The following ZNF451 variants were observed in gnomAD, a reference collection of about 807,000 sequenced individuals.
ZNF451 encodes E3 SUMO-protein ligase ZNF451.
Under a neutral mutation model 107.1 loss-of-function variants are expected in ZNF451, and 80 were observed. That is an observed-to-expected ratio of 0.75 (90% CI 0.62 to 0.90). The LOEUF (loss-of-function observed/expected upper bound fraction) is 0.90, where lower values mean the gene tolerates loss of function less well. Among genes scored for constraint, ZNF451 ranks in the 40% least tolerant of loss-of-function variants. The probability of loss-of-function intolerance (pLI) is 0.00; values close to 1 mark genes in which losing one functional copy is unlikely to be tolerated. For missense variants in ZNF451, 1,107 were observed against 1,236.2 expected, an observed-to-expected ratio of 0.90 and a Z score of 1.57; for synonymous variants, 362 against 406.5, an observed-to-expected ratio of 0.89 and a Z score of 1.32.
chr6:57,162,253 G>A lies in ZNF451; in HGVS notation c.3139+1101G>A, dbSNP rs1471917525. 2.6e-5 allele frequency among the ~76,000 whole-genome samples: 4 copies of A among 152,242 alleles called. No homozygotes were observed. The East Asian group carries it at 7.7e-4, about 29-fold the overall frequency. On this transcript the variant is annotated intron_variant, in intron 14 of 14. Coordinates refer to ENST00000370706, the MANE Select transcript of ZNF451 (RefSeq NM_001031623.3). The stretch of plus-strand genomic sequence containing the variant: ...TGACTAAACACACACAAACAGAATG[G>A]CCCAACTGGTATGTTTTCTTTGCAT...
chr6:57,109,570 A>G (rs1830021408), intron 3 of ZNF451: 4 of 985,122 alleles, frequency 4.1e-6, no homozygotes, highest in Non-Finnish European at 4.8e-6. Flanking sequence ...GGTATTGGCT[A>G]TAGATACATA....
chr6:57,149,063 C>T (rs1593160071), intron 10 of ZNF451, among the ~76,000 whole-genome samples: 1 of 152,208 alleles, frequency 6.6e-6, no homozygotes, highest in South Asian at 2.1e-4. Flanking sequence ...AAAGATAAAT[C>T]ACGTGAATTC....
At chr6:57,134,677 G>A (rs1356049116) in intron 6 of ZNF451, 67 bp from the exon 7 acceptor site, 25 of 1,456,930 alleles carry the variant, frequency 1.7e-5, no homozygotes, top group Non-Finnish European at 2.3e-5. Flanking sequence ...CACAAATGAA[G>A]CGACATAGTT....
chr6:57,109,023 T>C, intron 3 of ZNF451: 1 of 985,428 alleles, frequency 1.0e-6, no homozygotes. Flanking sequence ...TACACAAATC[T>C]TTTCATTTTC....
chr6:57,159,424 G>A (rs1763569771), intron 13 of ZNF451: 1 of 984,404 alleles, frequency 1.0e-6, no homozygotes, highest in Non-Finnish European at 1.2e-6. Flanking sequence ...AATGTTTAGA[G>A]CAAGCTTGTC....
At chr6:57,168,343 C>T in intron 14 of ZNF451, 80 bp from the exon 15 acceptor site, 1 of 967,880 alleles carries the variant, frequency 1.0e-6, no homozygotes, top group South Asian at 1.5e-5. Flanking sequence ...GAAAAGAATA[C>T]AGTCGATGAA....
chr6:57,098,314 T>C (rs1829424147), intron 2 of ZNF451, among the ~76,000 whole-genome samples: 1 of 151,782 alleles, frequency 6.6e-6, no homozygotes, highest in Non-Finnish European at 1.5e-5. Flanking sequence ...ATTACAGACA[T>C]GAGCCACCAC....
intron 3 of ZNF451, chr6:57,109,033 C>T: frequency 1.0e-6 from 1 of 985,378 alleles, no homozygotes; most frequent in Non-Finnish European, 1.2e-6. Flanking sequence ...TTTTCATTTT[C>T]TGAACTTCCT....
At chr6:57,121,287 T>C (rs1671475021) in intron 3 of ZNF451, among the ~76,000 whole-genome samples, 1 of 152,216 alleles carries the variant, frequency 6.6e-6, no homozygotes, top group South Asian at 2.1e-4. Flanking sequence ...ACTGTAGTTT[T>C]ATAGTAAGTT....
rs887451596 is a variant in ZNF451 at position 57,153,732 on chromosome 6, T to C, written c.2884-129T>C. ...CCAGCTGAAGGAGATCTTTATGTCA[T>C]ACTTTGGTAGGGACTAGGGAACAAG... On this transcript the variant is annotated intron_variant, in intron 12 of 14. Transcript: ENST00000370706. 3 of 872,736 alleles carry C rather than the reference T, an allele frequency of 3.4e-6. No homozygotes were observed. The East Asian group carries it at 7.7e-5, about 22-fold the overall frequency. 54.1% of individuals were successfully genotyped at this position (872,736 alleles called of 1,614,324 possible).
chr6:57,141,575 A>C, intron 8 of ZNF451, 120 bp downstream of exon 8: 1 of 939,968 alleles, frequency 1.1e-6, no homozygotes, highest in Non-Finnish European at 1.5e-6. Flanking sequence ...CTATGAAAGT[A>C]AAAGATTATC....
In ZNF451 at chr6:57,131,972, GA is replaced by G. The variant is rs1236122978; in HGVS notation, c.425-1069del. On this transcript the variant is annotated intron_variant, in intron 5 of 14. Coordinates refer to ENST00000370706, the MANE Select transcript of ZNF451 (RefSeq NM_001031623.3). ...TTGCCCCGAGGACATTTGGCTGGGGGATTCATCTACAAGTTGTGTGACCTTA... is the reference window on the plus strand; with the variant it reads ...TTGCCCCGAGGACATTTGGCTGGGGGTTCATCTACAAGTTGTGTGACCTTA... Among the ~76,000 whole-genome samples the G allele has an allele frequency of 3.9e-5, 6 of 152,242 alleles. No individual in the cohort carries two copies. The East Asian group carries it at 5.8e-4, about 15-fold the overall frequency.
At chr6:57,103,081 C>T (rs979031152) in intron 3 of ZNF451, 19 of 985,266 alleles carry the variant, frequency 1.9e-5, no homozygotes, top group South Asian at 4.7e-5. Flanking sequence ...AAAAAAGATA[C>T]GCACATCAGT....
At chr6:57,120,589 G>C (rs1172579032) in intron 3 of ZNF451, among the ~76,000 whole-genome samples, 1 of 152,158 alleles carries the variant, frequency 6.6e-6, no homozygotes, top group Non-Finnish European at 1.5e-5. Context: ...AGATGTGGCC[G>C]TTCTAATAGA....
rs571335445 is a variant in ZNF451 at position 57,112,365 on chromosome 6, TTTTGCAGTTGGTTGTTCC to T, written c.187-12364_187-12347del. On this transcript the variant is annotated intron_variant, in intron 3 of 14. Coordinates refer to ENST00000370706, the MANE Select transcript of ZNF451 (RefSeq NM_001031623.3). ...CCGTGATGATGTGCAAAGTTAATTC[TTTTGCAGTTGGTTGTTCC>T]TTTGAGCTTTCTTTGAACTTGGAGT... 1.1e-4 allele frequency among the ~76,000 whole-genome samples: 17 copies of T among 152,340 alleles called. No homozygotes were observed. The East Asian group carries it at 3.1e-3, about 28-fold the overall frequency.
rs538736865 is a variant in ZNF451, at chr6:57,132,844, A to C, written c.425-198A>C. Among the ~76,000 whole-genome samples the C allele has an allele frequency of 3.1e-4, 47 of 152,260 alleles. 1 individual carries two copies. The South Asian group carries it at 9.5e-3, about 31-fold the overall frequency. ...AAAGAGAATGCTACTTGGTGATATT[A>C]AGGGCTTTTTTTTGGTCATAACTTA... On this transcript the variant is annotated intron_variant, in intron 5 of 14. Coordinates refer to ENST00000370706, the MANE Select transcript of ZNF451 (RefSeq NM_001031623.3).
At chr6:57,124,001 C>G (rs1410062170) in intron 3 of ZNF451, among the ~76,000 whole-genome samples, 1 of 152,052 alleles carries the variant, frequency 6.6e-6, no homozygotes, top group Non-Finnish European at 1.5e-5. Flanking sequence ...ATTTCTTTTT[C>G]TCATCTTACT....
intron 3 of ZNF451, chr6:57,102,582 A>C (rs1370228844): frequency 1.0e-6 from 1 of 986,800 alleles, no homozygotes. Context: ...TCTTCACAAA[A>C]TGACACATCT....
At chr6:57,102,611 C>T in intron 3 of ZNF451, 1 of 986,246 alleles carries the variant, frequency 1.0e-6, no homozygotes, top group Non-Finnish European at 1.2e-6. Context: ...GTCTTTATGT[C>T]AAGATGGTCA....
Sources: allele counts gnomAD v4.1 joint callset (sites outside exome capture counted in the v4.1 genomes callset), GRCh38; gene constraint gnomAD v4.1.1; transcripts MANE v1.5; gene names NCBI Gene and HGNC (gene_info 2026-07-23, HGNC 2026-07-21).